Variants in DHRSX observed in about 807,000 individuals in gnomAD.
DHRSX encodes polyprenol dehydrogenase.
Under a neutral mutation model 34.0 loss-of-function variants are expected in DHRSX, and 31 were observed. That is an observed-to-expected ratio of 0.91 (90% confidence interval 0.69 to 1.23). DHRSX has a LOEUF of 1.23. Among genes scored for constraint, DHRSX ranks in the 50% most tolerant of loss-of-function variants. The pLI is 0.00. For missense variants in DHRSX, 414 were observed against 428.1 expected (o/e 0.97, Z 0.29); for synonymous variants, 201 against 183.8 (o/e 1.09, Z -0.76).
intron 3 of DHRSX, among the ~76,000 whole-genome samples, chrX:2,403,334 C>G (rs1691401824): frequency 6.6e-6 from 1 of 152,192 alleles, no homozygotes; most frequent in Non-Finnish European, 1.5e-5. Flanking sequence ...CACCCTCTTA[C>G]AAGATGGTAA....
chrX:2,490,666 G>A, intron 1 of DHRSX: 1 of 1,613,946 alleles, frequency 6.2e-7, no homozygotes, highest in African/African-American at 1.3e-5. Context: ...TGGCGCGGGG[G>A]TGGGCCACCA....
intron 4 of DHRSX, among the ~76,000 whole-genome samples, 160 bp downstream of exon 4, chrX:2,291,342 A>G (rs2041862941): frequency 6.6e-6 from 1 of 152,334 alleles, no homozygotes; most frequent in East Asian, 1.9e-4. Flanking sequence ...TGCTCTTCCA[A>G]AGCTATCCGT....
At chrX:2,492,404 CAGGA>C (rs2045175498) in intron 1 of DHRSX, among the ~76,000 whole-genome samples, 1 of 151,550 alleles carries the variant, frequency 6.6e-6, no homozygotes, top group Non-Finnish European at 1.5e-5. Flanking sequence ...CTGGGAGAGG[CAGGA>C]AGGATCCTCC....
chrX:2,373,247 G>A (rs942285702), intron 3 of DHRSX, among the ~76,000 whole-genome samples: 2 of 152,188 alleles, frequency 1.3e-5, no homozygotes, highest in African/African-American at 4.8e-5. Flanking sequence ...ACCCTTCACA[G>A]GTGGGAATCA....
chrX:2,345,606 C>T lies in DHRSX; in HGVS notation c.287-54003G>A, dbSNP rs1455944784. Among the ~76,000 whole-genome samples the T allele has an allele frequency of 1.3e-4, 19 of 149,646 alleles. No homozygotes were observed. In the East Asian group the frequency reaches 1.4e-3, roughly 11 times the overall value. The stretch of plus-strand genomic sequence containing the variant: ...AAGTTGCATTGAGCCAAGATCGCAC[C>T]GAGATCGCATCGTACCCCAGCCTGG... On this transcript the variant is annotated intron_variant, in intron 3 of 6. Coordinates refer to ENST00000334651, the MANE Select transcript of DHRSX (RefSeq NM_145177.3).
chrX:2,332,176 T>C (rs1363445312), intron 3 of DHRSX, among the ~76,000 whole-genome samples: 1 of 152,142 alleles, frequency 6.6e-6, no homozygotes, highest in Non-Finnish European at 1.5e-5. Flanking sequence ...GATGATGCAT[T>C]TGTCAGGAGA....
chrX:2,296,041 T>C (rs2041928065), intron 3 of DHRSX, among the ~76,000 whole-genome samples: 1 of 152,102 alleles, frequency 6.6e-6, no homozygotes, highest in African/African-American at 2.4e-5. Context: ...TCAGGAAGTT[T>C]TCCTGAACCC....
At position 2,282,632 on chromosome X, in the gene DHRSX, G is replaced by A. The variant is rs868490328; in HGVS notation, c.388+8870C>T. Among the ~76,000 whole-genome samples, 484 of 90,052 alleles carry A rather than the reference G, an allele frequency of 5.4e-3. 2 individuals are homozygous for A. The highest frequency in any genetic ancestry group is 0.013 in the Non-Finnish European group (424 of 32,314). The allele number at this position is 90,052 out of a possible 152,430, so 59.1% of individuals were successfully genotyped here. A position where few individuals can be genotyped will look rare whatever the true frequency, so the allele number is the denominator to read the frequency against. Reference sequence around the variant, plus strand: ...AAGAAAGAGGGGAGGGAGAGAAGAAGGGAAAGGGAGGGAGAGAGGGAGAGA... The same window carrying A: ...AAGAAAGAGGGGAGGGAGAGAAGAAAGGAAAGGGAGGGAGAGAGGGAGAGA... On this transcript the variant is annotated intron_variant, in intron 4 of 6. Coordinates refer to ENST00000334651, the MANE Select transcript of DHRSX (RefSeq NM_145177.3).
At position 2,240,018 on chromosome X, in the gene DHRSX, C is replaced by A. The variant is rs764040307; in HGVS notation, c.804+3005G>T. ...GCAAAATAAGGGATGTACAGCTGGG[C>A]GCGGTGGCTCACGCCTGTAATCCCA... On this transcript the variant is annotated intron_variant, in intron 6 of 6. Transcript: ENST00000334651. 2.6e-5 allele frequency among the ~76,000 whole-genome samples: 4 copies of A among 151,812 alleles called. No homozygotes were observed. The South Asian group carries it at 8.4e-4, about 32-fold the overall frequency.
At chrX:2,274,991 G>A (rs1177146532) in intron 4 of DHRSX, among the ~76,000 whole-genome samples, 1 of 152,082 alleles carries the variant, frequency 6.6e-6, no homozygotes, top group African/African-American at 2.4e-5. Context: ...CATGGCCTAG[G>A]AAGAGATGAT....
intron 3 of DHRSX, among the ~76,000 whole-genome samples, chrX:2,401,286 T>C (rs1363787960): frequency 6.6e-6 from 1 of 152,140 alleles, no homozygotes; most frequent in Non-Finnish European, 1.5e-5. Context: ...AACATTTATA[T>C]TTTTAGTAGA....
intron 3 of DHRSX, among the ~76,000 whole-genome samples, chrX:2,371,560 CCCTCCTTCCATTACCATAGTA>C (rs1191223994): frequency 5.6e-5 from 7 of 125,460 alleles, no homozygotes; most frequent in Admixed American, 2.5e-4. Flanking sequence ...TTACCATAGT[CCCTCCTTCCATTACCATAGTA>C]CCTCCTCCCA....
chrX:2,360,688 G>C (rs1299670387), intron 3 of DHRSX, among the ~76,000 whole-genome samples: 2 of 151,946 alleles, frequency 1.3e-5, no homozygotes, highest in African/African-American at 4.8e-5. Context: ...ATGGAGCCAG[G>C]TTATCGCCAA....
chrX:2,303,760 G>A (rs868406865), intron 3 of DHRSX, among the ~76,000 whole-genome samples: 25 of 129,772 alleles, frequency 1.9e-4, no homozygotes, highest in African/African-American at 7.2e-4. Flanking sequence ...GGATTGGATA[G>A]ATGGATGGAT....
At chrX:2,391,476 T>C (rs1182714177) in intron 3 of DHRSX, among the ~76,000 whole-genome samples, 2 of 151,932 alleles carry the variant, frequency 1.3e-5, no homozygotes, top group Non-Finnish European at 2.9e-5. Context: ...GGAGGAGCCA[T>C]AGGTAGGAAT....
intron 3 of DHRSX, among the ~76,000 whole-genome samples, chrX:2,315,004 C>G (rs1228299317): frequency 6.6e-6 from 1 of 152,062 alleles, no homozygotes; most frequent in Non-Finnish European, 1.5e-5. Flanking sequence ...ACTAAAAGTA[C>G]AAAACTAGCC....
intron 2 of DHRSX, among the ~76,000 whole-genome samples, chrX:2,410,861 C>T (rs960900219): frequency 6.6e-6 from 1 of 152,184 alleles, no homozygotes; most frequent in African/African-American, 2.4e-5. Flanking sequence ...TTGTCACTTC[C>T]TTGAAGGAAT....
At chrX:2,227,511 G>GAGAAAGGAAGCAGAGA (rs1266087273) in intron 6 of DHRSX, among the ~76,000 whole-genome samples, 74 of 124,720 alleles carry the variant, frequency 5.9e-4, no homozygotes, top group Middle Eastern at 9.6e-3. Context: ...AGGAAGGAGA[G>GAGAAAGGAAGCAGAGA]AGAAAGGAAG....
Position 2,219,573 on chromosome X carries a change from TC to T in DHRSX, c.*1467del, listed in dbSNP as rs1389814602. The stretch of plus-strand genomic sequence containing the variant: ...TTTAAGTTGCTTATCAGGGCAACCT[TC>T]CCCATCTGGGAACAATCTAGCAGTC... On this transcript the variant is annotated 3_prime_UTR_variant, in exon 7 of 7. Coordinates refer to ENST00000334651, the MANE Select transcript of DHRSX (RefSeq NM_145177.3). 6.6e-6 allele frequency: 1 copy of T among 152,250 alleles called. No homozygotes were observed. Among genetic ancestry groups the T allele is most frequent in the South Asian group, 2.1e-4 (1 of 4,812 alleles). The allele number at this position is 152,250 out of a possible 1,614,324, so 9.4% of individuals were successfully genotyped here.
Sources: allele counts gnomAD v4.1 joint callset (sites outside exome capture counted in the v4.1 genomes callset), GRCh38; gene constraint gnomAD v4.1.1; transcripts MANE v1.5; gene names NCBI Gene and HGNC (gene_info 2026-07-23, HGNC 2026-07-21).